Variants in TRABD2A observed in about 807,000 individuals in gnomAD.
The protein encoded by TRABD2A is TraB domain containing 2A, also known as metalloprotease TIKI1.
TRABD2A carries 43 observed loss-of-function variants against 45.6 expected under a neutral mutation model. The ratio of observed to expected loss-of-function variants is 0.94; its 90% CI spans 0.74 to 1.22. The LOEUF is 1.22. Ranked by LOEUF, TRABD2A falls within the 50% of genes most tolerant of loss-of-function variation. TRABD2A has a pLI of 0.00. For missense variants in TRABD2A, 642 were observed against 652.4 expected (o/e 0.98, Z 0.17); for synonymous variants, 269 against 265.0 (o/e 1.02, Z -0.15).
At chr2:84,847,783 G>A (rs1448821469) in intron 2 of TRABD2A, among the ~76,000 whole-genome samples, 1 of 152,200 alleles carries the variant, frequency 6.6e-6, no homozygotes, top group Non-Finnish European at 1.5e-5. Flanking sequence ...AAATTGAGTA[G>A]CTTAAACAAC....
intron 2 of TRABD2A, among the ~76,000 whole-genome samples, chr2:84,850,017 AG>A (rs1301114138): frequency 2.6e-5 from 4 of 152,210 alleles, no homozygotes. Context: ...TCACATTTTA[AG>A]TTTCCAAGTC....
rs114926387 is a variant in TRABD2A at position 84,831,335 on chromosome 2, T to C, written c.1082+720A>G. Among the ~76,000 whole-genome samples the C allele has an allele frequency of 4.5e-3, 682 of 152,260 alleles. 6 individuals are homozygous for C. Among genetic ancestry groups the C allele is most frequent in the African/African-American group, 0.015 (641 of 41,536 alleles). On this transcript the variant is annotated intron_variant, in intron 5 of 6. Transcript: ENST00000409520. ...AGAACTGTGAGAAATGCATTTCTGT[T>C]GATTAAATCACTCAGTCTGTGGTTG...
intron 5 of TRABD2A, 105 bp downstream of exon 5, chr2:84,831,950 G>A: frequency 9.1e-7 from 1 of 1,100,640 alleles, no homozygotes; most frequent in Non-Finnish European, 1.4e-6. Flanking sequence ...AAATGACGAG[G>A]CAGGGGTTCT....
chr2:84,834,295 A>G (rs1417820299), intron 4 of TRABD2A: 2 of 152,226 alleles, frequency 1.3e-5, no homozygotes, highest in Non-Finnish European at 2.9e-5. Context: ...CACAGGACTT[A>G]CAGAAGAAGA....
chr2:84,866,340 T>C (rs1169964206), intron 2 of TRABD2A, among the ~76,000 whole-genome samples: 1 of 152,154 alleles, frequency 6.6e-6, no homozygotes, highest in Non-Finnish European at 1.5e-5. Context: ...AATTTTTAAA[T>C]ATTGTCAACT....
chr2:84,867,010 G>A (rs1573950817), intron 2 of TRABD2A, among the ~76,000 whole-genome samples: 1 of 152,096 alleles, frequency 6.6e-6, no homozygotes. Context: ...AGAGGCTGCA[G>A]TGAGCTGAGA....
chr2:84,873,217 T>A (rs1682924068), intron 1 of TRABD2A, among the ~76,000 whole-genome samples: 1 of 150,346 alleles, frequency 6.7e-6, no homozygotes, highest in Non-Finnish European at 1.5e-5. Flanking sequence ...GGTCAGGAGT[T>A]CAAGCCTGTC....
intron 1 of TRABD2A, among the ~76,000 whole-genome samples, chr2:84,871,148 T>A (rs1449932016): frequency 6.6e-6 from 1 of 152,198 alleles, no homozygotes; most frequent in East Asian, 1.9e-4. Context: ...AATCAAAATG[T>A]TGATTCCAAG....
At chr2:84,826,189 C>T (rs1681140731) in intron 5 of TRABD2A, among the ~76,000 whole-genome samples, 1 of 152,184 alleles carries the variant, frequency 6.6e-6, no homozygotes, top group African/African-American at 2.4e-5. Context: ...AACATGGTCT[C>T]TAACTCACTA....
In TRABD2A at chr2:84,824,153, A is replaced by C; in HGVS notation, c.1134T>G (p.Ala378=). ...STRPTLSTIF[A]PKVPTLEVPA... is the part of the protein sequence containing the mutation. ...GTACTTCCAGGGTAGGGACTTTTGG[A>C]GCAAAGATGGTGGACAGAGTGGGCC... Residue 378 remains alanine, a synonymous_variant, in exon 6 of 7, where the codon GCT becomes GCG. Transcript: ENST00000409520. 6.2e-7 allele frequency: 1 copy of C among 1,613,832 alleles called. No homozygotes were observed. Among genetic ancestry groups the C allele is most frequent in the Non-Finnish European group, 8.5e-7 (1 of 1,179,864 alleles).
At chr2:84,842,033 C>A in intron 2 of TRABD2A, 26 bp from the exon 3 acceptor site, 1 of 1,459,014 alleles carries the variant, frequency 6.9e-7, no homozygotes, top group South Asian at 1.4e-5. Flanking sequence ...CTTTTAAGTT[C>A]ACTAACAAGG....
chr2:84,849,167 C>T (rs905833470), intron 2 of TRABD2A, among the ~76,000 whole-genome samples: 2 of 152,094 alleles, frequency 1.3e-5, no homozygotes, highest in Admixed American at 6.5e-5. Flanking sequence ...CGTCCTGAGA[C>T]CTCTGCTCTG....
intron 6 of TRABD2A, among the ~76,000 whole-genome samples, chr2:84,822,662 A>C (rs945520320): frequency 6.6e-6 from 1 of 152,168 alleles, no homozygotes; most frequent in Non-Finnish European, 1.5e-5. Flanking sequence ...TTGTTTGAAA[A>C]AGTACTAAAC....
chr2:84,841,028 C>T (rs1157884048), intron 3 of TRABD2A, among the ~76,000 whole-genome samples: 1 of 152,168 alleles, frequency 6.6e-6, no homozygotes, highest in East Asian at 1.9e-4. Flanking sequence ...TGTACAGCAT[C>T]ACCCACACCC....
At position 84,870,604 on chromosome 2, in the gene TRABD2A, G is replaced by A. The variant is rs769865987; in HGVS notation, c.290C>T (p.Ser97Leu). ...ELDLTDPYTI[S>L]ALTSCQMLPQ... is the part of the protein sequence containing the mutation. ...CAGCATCTGACAGCTGGTGAGAGCT[G>A]AGATGGTATAGGGGTCTGTGAGATC... The change falls in exon 2 of 7, where the codon TCA (serine) becomes TTA (leucine). Residue 97 changes from serine (S) to leucine (L), a missense_variant. Ser to Leu is a moderately radical substitution (Grantham distance 145). Transcript: ENST00000409520. 6.2e-7 allele frequency: 1 copy of A among 1,613,554 alleles called. No homozygotes were observed. The highest frequency in any genetic ancestry group is 1.1e-5 in the South Asian group (1 of 90,972).
At chr2:84,879,537 G>GAAT in intron 1 of TRABD2A, 1 of 948,024 alleles carries the variant, frequency 1.1e-6, no homozygotes, top group Non-Finnish European at 1.3e-6. Flanking sequence ...TAGGACGATG[G>GAAT]AATAAAGGAC....
At chr2:84,868,808 C>G (rs1682777805) in intron 2 of TRABD2A, among the ~76,000 whole-genome samples, 1 of 152,236 alleles carries the variant, frequency 6.6e-6, no homozygotes, top group Non-Finnish European at 1.5e-5. Context: ...GGTTAAAATG[C>G]TCACCAATTT....
chr2:84,860,636 T>C (rs1573943881), intron 2 of TRABD2A, among the ~76,000 whole-genome samples: 1 of 152,222 alleles, frequency 6.6e-6, no homozygotes, highest in East Asian at 1.9e-4. Context: ...TTCTACATCA[T>C]CTCCTAGGGA....
intron 2 of TRABD2A, among the ~76,000 whole-genome samples, chr2:84,858,965 G>A (rs1264719644): frequency 2.0e-5 from 3 of 152,058 alleles, no homozygotes; most frequent in African/African-American, 7.2e-5. Context: ...CATCTCTACA[G>A]AAATAAAAAA....
Sources: gnomAD v4.1 joint callset for allele counts (sites outside exome capture counted in the v4.1 genomes callset) on GRCh38, gnomAD v4.1.1 for gene constraint, MANE v1.5 for transcripts, NCBI Gene and HGNC (gene_info 2026-07-23, HGNC 2026-07-21) for gene names.